Variants in CSN1S1 observed in about 807,000 individuals in gnomAD.
The protein encoded by CSN1S1 is alpha-S1-casein.
A neutral mutation model predicts 49.1 loss-of-function variants in CSN1S1; 63 were observed. That is an observed-to-expected ratio of 1.28 (90% CI 1.05 to 1.58). The LOEUF (loss-of-function observed/expected upper bound fraction) is 1.58, where lower values mean the gene tolerates loss of function less well. Ranked by LOEUF, CSN1S1 falls within the 40% of genes most tolerant of loss-of-function variation. CSN1S1 has a pLI of 0.00. For synonymous variants in CSN1S1, 78 were observed against 67.1 expected (o/e 1.16, Z -0.79); for missense variants, 260 against 224.7 (o/e 1.16, Z -1.01).
In CSN1S1 at chr4:69,945,029, C is replaced by T. The variant is rs1723117797; in HGVS notation, c.557+25C>T. ...GGTAAGTTCATTTAAATTACTACAT[C>T]TTGATGTTCTACCAAAGGAATGAAA... On this transcript the variant is annotated intron_variant, in intron 15 of 15. Coordinates refer to ENST00000246891, the MANE Select transcript of CSN1S1 (RefSeq NM_001890.2). 3.1e-6 allele frequency: 5 copies of T among 1,607,684 alleles called. No individual in the cohort carries two copies. The South Asian group carries it at 4.4e-5, about 14-fold the overall frequency.
rs1356307243 is a variant in CSN1S1, at chr4:69,937,107, G to C, written c.196-14G>C. On this transcript the variant is annotated splice_polypyrimidine_tract_variant and intron_variant, in intron 7 of 15. Coordinates refer to ENST00000246891, the MANE Select transcript of CSN1S1 (RefSeq NM_001890.2). ...AACAATCTGTCATACCTAACTGATT[G>C]ACTGTCTTGGCAGGATACTAGGAAT... The C allele has an allele frequency of 6.5e-7, 1 of 1,538,750 alleles. No homozygotes were observed. The highest frequency in any genetic ancestry group is 2.1e-5 in the Admixed American group (1 of 48,480).
intron 14 of CSN1S1, 39 bp from the exon 15 acceptor site, chr4:69,944,811 G>T (rs763517056): frequency 6.2e-7 from 1 of 1,600,712 alleles, no homozygotes. Context: ...AAAAGCAATT[G>T]CTCATACACT....
At chr4:69,934,549 A>T (rs184765516) in intron 3 of CSN1S1, 141 bp from the exon 4 acceptor site, 4 of 732,388 alleles carry the variant, frequency 5.5e-6, no homozygotes, top group Non-Finnish European at 9.2e-6. Context: ...ATATTCAAGC[A>T]TGTGATTTAC....
At chr4:69,935,003 A>T (rs1722724743) in intron 4 of CSN1S1, among the ~76,000 whole-genome samples, 1 of 152,040 alleles carries the variant, frequency 6.6e-6, no homozygotes, top group Non-Finnish European at 1.5e-5. Flanking sequence ...ACTAAAACTA[A>T]TTATTTGTTC....
chr4:69,943,611 T>G (rs1723054144), intron 14 of CSN1S1, among the ~76,000 whole-genome samples: 1 of 152,056 alleles, frequency 6.6e-6, no homozygotes, highest in Non-Finnish European at 1.5e-5. Flanking sequence ...GTGCCTTAGT[T>G]TGTTTTGTGC....
At chr4:69,942,657 T>C (rs1437887843) in intron 14 of CSN1S1, 80 bp downstream of exon 14, 2 of 1,096,286 alleles carry the variant, frequency 1.8e-6, no homozygotes, top group Non-Finnish European at 2.6e-6. Flanking sequence ...AGCCCCCTAC[T>C]CTTGAAGAGA....
intron 11 of CSN1S1, 48 bp from the exon 12 acceptor site, chr4:69,940,971 G>T: frequency 1.0e-6 from 1 of 953,966 alleles, no homozygotes; most frequent in Non-Finnish European, 1.6e-6. Context: ...TGATGGGGTT[G>T]GACTGAATGA....
Position 69,934,249 on chromosome 4 carries a change from A to G in CSN1S1, c.84+5A>G, listed in dbSNP as rs189052160. ...AGATACCCAGAACGCCTTCAGGTAAATATTCTATTCTGCATTCCAAGAACT... is the reference window on the plus strand; with the variant it reads ...AGATACCCAGAACGCCTTCAGGTAAGTATTCTATTCTGCATTCCAAGAACT... On this transcript the variant is annotated splice_donor_5th_base_variant and intron_variant, in intron 3 of 15. Coordinates refer to ENST00000246891, the MANE Select transcript of CSN1S1 (RefSeq NM_001890.2). 6.0e-4 allele frequency: 969 copies of G among 1,610,634 alleles called. 12 individuals carry two copies. In the Admixed American group the frequency reaches 0.015, roughly 26 times the overall value.
intron 8 of CSN1S1, 100 bp downstream of exon 8, chr4:69,937,244 A>G (rs762203836): frequency 7.0e-6 from 6 of 858,910 alleles, no homozygotes; most frequent in African/African-American, 1.7e-5. Flanking sequence ...ACTATGGCAG[A>G]TAACTCTAAT....
intron 14 of CSN1S1, among the ~76,000 whole-genome samples, chr4:69,942,990 C>T (rs1429632839): frequency 1.3e-5 from 2 of 149,302 alleles, no homozygotes; most frequent in African/African-American, 2.4e-5. Context: ...GAACATCCTC[C>T]ACAACTAGAG....
chr4:69,938,164 C>A (rs1278346302), intron 9 of CSN1S1, among the ~76,000 whole-genome samples: 2 of 151,486 alleles, frequency 1.3e-5, no homozygotes, highest in African/African-American at 2.4e-5. Context: ...ATGAGAGTCC[C>A]ACAGAACACT....
intron 7 of CSN1S1, 40 bp downstream of exon 7, chr4:69,936,647 T>C (rs1331431165): frequency 4.5e-6 from 7 of 1,553,634 alleles, no homozygotes; most frequent in African/African-American, 1.4e-5. Context: ...CAAAAGTATA[T>C]ATTCTTGTAG....
intron 12 of CSN1S1, among the ~76,000 whole-genome samples, chr4:69,941,662 C>G (rs986934898): frequency 2.0e-5 from 3 of 151,874 alleles, no homozygotes; most frequent in Non-Finnish European, 4.4e-5. Context: ...CATTTTTAAT[C>G]GTTATCAATA....
chr4:69,944,916 C>G lies in CSN1S1; in HGVS notation c.469C>G (p.Gln157Glu). ...YAVWYYPQIM[Q>E]YVPFPPFSDI... The stretch of plus-strand genomic sequence containing the variant: ...TGTTTGGTACTATCCACAAATCATG[C>G]AGTATGTTCCTTTCCCACCGTTTTC... Residue 157 changes from glutamine (Q) to glutamate (E), a missense_variant, in exon 15 of 16, where the codon CAG becomes GAG. Gln to Glu is a conservative substitution (Grantham distance 29). Transcript: ENST00000246891. 1.2e-6 allele frequency: 2 copies of G among 1,612,990 alleles called. No individual in the cohort carries two copies. Among genetic ancestry groups the G allele is most frequent in the Non-Finnish European group, 1.7e-6 (2 of 1,179,276 alleles).
chr4:69,942,583 AT>A lies in CSN1S1; in HGVS notation c.402+10del. On this transcript the variant is annotated splice_region_variant and intron_variant, in intron 14 of 15. Transcript: ENST00000246891. ...AAAACAGCCATGTCCAAGTGGTAAT[AT>A]TTTGCTTAATATATTACAAAACGAT... is the stretch of plus-strand genomic sequence containing the variant. 6.3e-7 allele frequency: 1 copy of A among 1,576,718 alleles called. No homozygotes were observed. The highest frequency in any genetic ancestry group is 8.6e-7 in the Non-Finnish European group (1 of 1,158,676).
At chr4:69,934,087 C>A in intron 2 of CSN1S1, 125 bp from the exon 3 acceptor site, 1 of 554,960 alleles carries the variant, frequency 1.8e-6, no homozygotes, top group South Asian at 3.4e-5. Context: ...ACAAATATTG[C>A]TATTAAAACA....
chr4:69,939,940 GT>G, intron 10 of CSN1S1, 80 bp from the exon 11 acceptor site: 5 of 828,128 alleles, frequency 6.0e-6, no homozygotes, highest in Non-Finnish European at 7.5e-6. Context: ...TTTAGTAATA[GT>G]TTTGTTGATT....
At chr4:69,932,708 G>A in intron 2 of CSN1S1, 102 bp downstream of exon 2, 1 of 1,059,716 alleles carries the variant, frequency 9.4e-7, no homozygotes, top group South Asian at 1.4e-5. Context: ...TAAAGCACTG[G>A]ATGATCTCTA....
intron 10 of CSN1S1, among the ~76,000 whole-genome samples, chr4:69,939,573 G>A (rs1722909462): frequency 6.6e-6 from 1 of 151,542 alleles, no homozygotes; most frequent in South Asian, 2.1e-4. Flanking sequence ...AAACCATTTA[G>A]AATTTAACCA....
Sources: allele counts gnomAD v4.1 joint callset (sites outside exome capture counted in the v4.1 genomes callset), GRCh38; gene constraint gnomAD v4.1.1; transcripts MANE v1.5; gene names NCBI Gene and HGNC (gene_info 2026-07-23, HGNC 2026-07-21).